USP47: variants seen among roughly 807,000 people sequenced by gnomAD.
USP47 encodes ubiquitin specific peptidase 47, also known as ubiquitin carboxyl-terminal hydrolase 47.
In USP47, 35 loss-of-function variants were observed where a neutral mutation model predicts 165.1. The observed-to-expected ratio is 0.21, with a 90% CI of 0.16 to 0.28. USP47 has a LOEUF of 0.28. USP47 is among the 10% of genes least tolerant of loss of function. The pLI is 1.00. For missense variants in USP47, 1,277 were observed against 1,607.4 expected, an observed-to-expected ratio of 0.79 and a Z score of 3.52; for synonymous variants, 531 against 544.5, an observed-to-expected ratio of 0.98 and a Z score of 0.35.
intron 17 of USP47, among the ~76,000 whole-genome samples, chr11:11,936,837 G>A (rs952945843): frequency 6.6e-6 from 1 of 151,796 alleles, no homozygotes; most frequent in East Asian, 1.9e-4. Flanking sequence ...GCTCTCTTAG[G>A]AAGATCTCTC....
intron 1 of USP47, among the ~76,000 whole-genome samples, chr11:11,850,050 G>T (rs1219844871): frequency 6.6e-6 from 1 of 151,988 alleles, no homozygotes; most frequent in African/African-American, 2.4e-5. Context: ...GCTAGAGAGA[G>T]AATCTTTGTC....
chr11:11,930,496 A>G (rs1375603936), intron 13 of USP47, among the ~76,000 whole-genome samples, 200 bp from the exon 14 acceptor site: 1 of 152,170 alleles, frequency 6.6e-6, no homozygotes, highest in Non-Finnish European at 1.5e-5. Context: ...AAGAGGAGAT[A>G]CGGAATCTTC....
chr11:11,917,271 G>C (rs1159960446), intron 8 of USP47, among the ~76,000 whole-genome samples: 3 of 152,166 alleles, frequency 2.0e-5, no homozygotes, highest in African/African-American at 7.2e-5. Flanking sequence ...AGCCAGGCAA[G>C]TGTTTCTTAA....
At chr11:11,872,221 G>A (rs1850114265) in intron 1 of USP47, among the ~76,000 whole-genome samples, 1 of 151,844 alleles carries the variant, frequency 6.6e-6, no homozygotes, top group Non-Finnish European at 1.5e-5. Context: ...CATTTGGGAT[G>A]TGGCTGGAAC....
At chr11:11,858,741 A>G (rs899032460) in intron 1 of USP47, among the ~76,000 whole-genome samples, 10 of 152,158 alleles carry the variant, frequency 6.6e-5, no homozygotes, top group South Asian at 4.1e-4. Context: ...TGTTGCTTCT[A>G]TCAGTAGTCT....
chr11:11,885,451 A>C (rs1851095163), intron 3 of USP47, among the ~76,000 whole-genome samples: 1 of 152,108 alleles, frequency 6.6e-6, no homozygotes, highest in African/African-American at 2.4e-5. Context: ...CCCCACCCCC[A>C]GCCAAGGGAA....
chr11:11,947,500 C>T (rs760917665), intron 20 of USP47, among the ~76,000 whole-genome samples: 9 of 152,192 alleles, frequency 5.9e-5, no homozygotes, highest in African/African-American at 1.7e-4. Context: ...ACTGAAGTCA[C>T]ATTGCAACAC....
intron 24 of USP47, chr11:11,951,482 G>A (rs778418811): frequency 1.3e-5 from 2 of 152,090 alleles, no homozygotes; most frequent in Non-Finnish European, 1.5e-5. Flanking sequence ...TTAAAGTATT[G>A]GTGTTTGGAG....
intron 27 of USP47, among the ~76,000 whole-genome samples, chr11:11,955,614 C>A (rs1209691826): frequency 6.6e-6 from 1 of 152,194 alleles, no homozygotes; most frequent in Non-Finnish European, 1.5e-5. Context: ...TGGAGCCTCA[C>A]AAATCTGGGT....
At chr11:11,845,592 T>C (rs1299397951) in intron 1 of USP47, among the ~76,000 whole-genome samples, 3 of 152,170 alleles carry the variant, frequency 2.0e-5, no homozygotes, top group Non-Finnish European at 4.4e-5. Context: ...CTGTCTTTGC[T>C]TTTTGTTTTT....
At chr11:11,943,703 C>T (rs1855637101) in intron 20 of USP47, 1 of 152,074 alleles carries the variant, frequency 6.6e-6, no homozygotes. Context: ...TAAGCAGTAA[C>T]AACAAAAACA....
In USP47 at chr11:11,950,383, A is replaced by C. The variant is rs1428287716; in HGVS notation, c.3484A>C (p.Thr1162Pro). ...SIDRFRLRKK[T>P]WKNPGTVFLD... Reference sequence around the variant, plus strand: ...TTGTAGGTTTCGTCTAAGGAAAAAAACATGGAAGAATCCTGGCACTGTCTT... The same window carrying C: ...TTGTAGGTTTCGTCTAAGGAAAAAACCATGGAAGAATCCTGGCACTGTCTT... The change falls in exon 24 of 28, where the codon ACA (threonine) becomes CCA (proline). Residue 1162 changes from threonine (T) to proline (P), a missense_variant. Transcript: ENST00000527733. The C allele has an allele frequency of 1.3e-6, 2 of 1,599,990 alleles. No individual in the cohort carries two copies. The highest frequency in any genetic ancestry group is 1.8e-5 in the Admixed American group (1 of 57,074).
chr11:11,933,144 T>C, intron 15 of USP47, 28 bp downstream of exon 15: 1 of 1,588,006 alleles, frequency 6.3e-7, no homozygotes, highest in Non-Finnish European at 8.6e-7. Context: ...TATTTTTAAT[T>C]GAAAGTGCTA....
At chr11:11,919,763 C>T (rs1314052743) in intron 8 of USP47, among the ~76,000 whole-genome samples, 2 of 151,852 alleles carry the variant, frequency 1.3e-5, no homozygotes, top group African/African-American at 2.4e-5. Flanking sequence ...ATTTACTGTA[C>T]AGTTTTAAAT....
intron 1 of USP47, chr11:11,873,831 T>C: frequency 6.7e-7 from 1 of 1,490,854 alleles, no homozygotes; most frequent in Non-Finnish European, 8.9e-7. Flanking sequence ...CAAAATATCT[T>C]TGATGAAATG....
chr11:11,906,674 T>G (rs1270546617), intron 8 of USP47, among the ~76,000 whole-genome samples: 1 of 152,188 alleles, frequency 6.6e-6, no homozygotes, highest in African/African-American at 2.4e-5. Flanking sequence ...TTGAAAAGTT[T>G]TTTAGATGTT....
intron 8 of USP47, among the ~76,000 whole-genome samples, chr11:11,911,583 A>G (rs868007592): frequency 6.6e-6 from 1 of 152,184 alleles, no homozygotes; most frequent in Non-Finnish European, 1.5e-5. Flanking sequence ...GTATGCAGAA[A>G]ATAACACAGC....
At chr11:11,846,911 A>ACC (rs1848458249) in intron 1 of USP47, among the ~76,000 whole-genome samples, 1 of 151,856 alleles carries the variant, frequency 6.6e-6, no homozygotes, top group Non-Finnish European at 1.5e-5. Flanking sequence ...TCAGATGTTG[A>ACC]CTCTCTCTTA....
At chr11:11,926,077 C>T (rs1047747686) in intron 11 of USP47, among the ~76,000 whole-genome samples, 1 of 152,016 alleles carries the variant, frequency 6.6e-6, no homozygotes, top group African/African-American at 2.4e-5. Context: ...TAATGTGTTA[C>T]TGAATTTGGT....
Sources: gnomAD v4.1 joint callset for allele counts (sites outside exome capture counted in the v4.1 genomes callset) on GRCh38, gnomAD v4.1.1 for gene constraint, MANE v1.5 for transcripts, NCBI Gene and HGNC (gene_info 2026-07-23, HGNC 2026-07-21) for gene names.